The following PPP2R3A variants were observed in gnomAD, a reference collection of about 807,000 sequenced individuals.
PPP2R3A encodes serine/threonine-protein phosphatase 2A regulatory subunit B'' subunit alpha.
In PPP2R3A, 80 loss-of-function variants were observed where a neutral mutation model predicts 106.9. The observed-to-expected ratio is 0.75, with a 90% CI of 0.62 to 0.90. The LOEUF is 0.90. Among genes scored for constraint, PPP2R3A ranks in the 40% least tolerant of loss-of-function variants. The pLI, the probability that PPP2R3A is intolerant of heterozygous loss-of-function variation, is 0.00. For synonymous variants in PPP2R3A, 483 were observed against 468.3 expected (o/e 1.03, Z -0.41); for missense variants, 1,386 against 1,350.4 (o/e 1.03, Z -0.41).
intron 2 of PPP2R3A, among the ~76,000 whole-genome samples, chr3:136,020,184 C>T (rs1304744713): frequency 6.6e-6 from 1 of 152,062 alleles, no homozygotes; most frequent in Non-Finnish European, 1.5e-5. Flanking sequence ...GATCAAGTTA[C>T]AAAATATTAC....
At position 136,102,055 on chromosome 3, in the gene PPP2R3A, C is replaced by A. The variant is rs1422100634; in HGVS notation, c.2976C>A (p.Leu992=). 1.2e-6 allele frequency: 2 copies of A among 1,614,094 alleles called. No homozygotes were observed. Among genetic ancestry groups the A allele is most frequent in the Non-Finnish European group, 1.7e-6 (2 of 1,180,002 alleles). ...TGGATGTGGATGGAGACGGTGTACT[C>A]TCCATGTATGAGCTGGAGTACTTCT... ...RCMDVDGDGV[L]SMYELEYFYE... is the part of the protein sequence containing the mutation. Residue 992 remains leucine, a synonymous_variant, in exon 11 of 14, where the codon CTC becomes CTA. Coordinates refer to ENST00000264977, the MANE Select transcript of PPP2R3A (RefSeq NM_002718.5).
intron 13 of PPP2R3A, among the ~76,000 whole-genome samples, chr3:136,137,342 A>T (rs1013700362): frequency 7.2e-5 from 11 of 152,020 alleles, no homozygotes; most frequent in African/African-American, 2.4e-4. Context: ...TATACTTGGT[A>T]TATTTCTTTT....
chr3:135,985,795 A>T (rs941558002), intron 1 of PPP2R3A, among the ~76,000 whole-genome samples: 1 of 152,216 alleles, frequency 6.6e-6, no homozygotes, highest in Admixed American at 6.5e-5. Context: ...TGGGAAAAAA[A>T]GATCAAGAAA....
chr3:136,049,445 A>G (rs1428837734), intron 5 of PPP2R3A, 84 bp downstream of exon 5: 20 of 955,150 alleles, frequency 2.1e-5, no homozygotes, highest in South Asian at 1.5e-4. Context: ...TAACATGTCA[A>G]TTGAGCTACA....
intron 9 of PPP2R3A, among the ~76,000 whole-genome samples, chr3:136,088,553 A>C (rs1937017072): frequency 6.6e-6 from 1 of 152,222 alleles, no homozygotes; most frequent in Non-Finnish European, 1.5e-5. Flanking sequence ...TGCTGGATAA[A>C]CATACAAGTA....
chr3:136,082,270 AG>A lies in PPP2R3A; in HGVS notation c.2638del (p.Ala880HisfsTer9). On this transcript the variant is annotated frameshift_variant, in exon 8 of 14. Transcript: ENST00000264977. LOFTEE classifies it high-confidence loss of function. ...IRKSNFLQTL[A>X]LLEEEEDINQ... ...TTCTTTTCATATAATTTCAGACCCT[AG>A]CACTTTTGGAAGAAGAGGAAGATAT... 6.3e-7 allele frequency: 1 copy of A among 1,581,542 alleles called. No homozygotes were observed. The highest frequency in any genetic ancestry group is 1.1e-5 in the South Asian group (1 of 90,296).
intron 13 of PPP2R3A, among the ~76,000 whole-genome samples, chr3:136,141,072 T>G (rs1008706476): frequency 5.7e-4 from 87 of 152,340 alleles, no homozygotes; most frequent in African/African-American, 1.9e-3. Flanking sequence ...CACTGTACTA[T>G]AGCCCAAGGA....
intron 1 of PPP2R3A, among the ~76,000 whole-genome samples, chr3:135,979,840 A>G (rs1937514859): frequency 6.6e-6 from 1 of 151,908 alleles, no homozygotes; most frequent in Non-Finnish European, 1.5e-5. Flanking sequence ...AAGAGCTGAA[A>G]GAAAAATAGA....
At chr3:136,091,342 TG>T (rs1188806365) in intron 10 of PPP2R3A, among the ~76,000 whole-genome samples, 1 of 152,188 alleles carries the variant, frequency 6.6e-6, no homozygotes, top group Non-Finnish European at 1.5e-5. Context: ...TGTCCAGGTA[TG>T]GTGGCTCACA....
rs79829901 is a variant in PPP2R3A at position 136,025,874 on chromosome 3, A to G, written c.1996-958A>G. On this transcript the variant is annotated intron_variant, in intron 2 of 13. Transcript: ENST00000264977. Reference sequence around the variant, plus strand: ...TTAATTAAGAGTGGAAATTAGAACTATGAAAATCCTCATGGAATCTTTTTT... The same window carrying G: ...TTAATTAAGAGTGGAAATTAGAACTGTGAAAATCCTCATGGAATCTTTTTT... 3.7e-3 allele frequency among the ~76,000 whole-genome samples: 569 copies of G among 152,274 alleles called. 1 individual carries two copies. Among genetic ancestry groups the G allele is most frequent in the Non-Finnish European group, 5.2e-3 (357 of 68,006 alleles).
At chr3:136,028,581 G>A (rs1437124169) in intron 3 of PPP2R3A, among the ~76,000 whole-genome samples, 1 of 152,194 alleles carries the variant, frequency 6.6e-6, no homozygotes, top group Non-Finnish European at 1.5e-5. Flanking sequence ...TGGACATGTG[G>A]TAACAGTAAC....
At chr3:136,061,360 G>A (rs1028967579) in intron 5 of PPP2R3A, among the ~76,000 whole-genome samples, 1 of 152,204 alleles carries the variant, frequency 6.6e-6, no homozygotes, top group Admixed American at 6.5e-5. Context: ...AGGCACAGTG[G>A]CTCACACCTG....
At chr3:136,112,678 A>C (rs1003745643) in intron 13 of PPP2R3A, among the ~76,000 whole-genome samples, 1 of 152,252 alleles carries the variant, frequency 6.6e-6, no homozygotes, top group Non-Finnish European at 1.5e-5. Flanking sequence ...GATAGCAAGA[A>C]TCAATATTGT....
rs75557093 is a variant in PPP2R3A at position 135,972,462 on chromosome 3, C to A, written c.-441+6613C>A. On this transcript the variant is annotated intron_variant, in intron 1 of 13. Coordinates refer to ENST00000264977, the MANE Select transcript of PPP2R3A (RefSeq NM_002718.5). ...TTTGTTTAAATACCTGTTTTCAATTCTTTTGTGCATGTATCTAGGAATAGA... is the reference window on the plus strand; with the variant it reads ...TTTGTTTAAATACCTGTTTTCAATTATTTTGTGCATGTATCTAGGAATAGA... Among the ~76,000 whole-genome samples the A allele has an allele frequency of 1.5e-3, 222 of 152,236 alleles. 2 individuals carry two copies. The East Asian group carries it at 0.027, about 19-fold the overall frequency.
At chr3:136,121,441 G>C (rs1937993372) in intron 13 of PPP2R3A, among the ~76,000 whole-genome samples, 1 of 152,124 alleles carries the variant, frequency 6.6e-6, no homozygotes, top group African/African-American at 2.4e-5. Context: ...TGAGGGTAGA[G>C]GATAGGAGGA....
chr3:136,087,845 C>G (rs760699760), intron 8 of PPP2R3A, 38 bp from the exon 9 acceptor site: 5 of 1,545,722 alleles, frequency 3.2e-6, no homozygotes, highest in Non-Finnish European at 2.7e-6. Context: ...GAGCATGTTT[C>G]TAACTAGCTT....
In PPP2R3A at chr3:136,003,414, T is replaced by C; in HGVS notation, c.1916T>C (p.Val639Ala). The C allele has an allele frequency of 6.2e-7, 1 of 1,613,950 alleles. No homozygotes were observed. The highest frequency in any genetic ancestry group is 8.5e-7 in the Non-Finnish European group (1 of 1,179,882). The change falls in exon 2 of 14, where the codon GTC becomes GCC. Residue 639 changes from valine to alanine, a missense_variant. Val to Ala is a moderately conservative substitution (Grantham distance 64). Transcript: ENST00000264977. ...LTTSSQANLSVCRSPVGDKAK... is the reference protein window; with the variant it reads ...LTTSSQANLSACRSPVGDKAK... ...ACTTCCTCCCAGGCCAATTTATCAG[T>C]CTGTAGAAGTCCTGTTGGTGATAAA...
chr3:136,122,657 TAC>T (rs72369513), intron 13 of PPP2R3A, among the ~76,000 whole-genome samples: 1 of 152,204 alleles, frequency 6.6e-6, no homozygotes, highest in African/African-American at 2.4e-5. Context: ...TATTTATACA[TAC>T]ACACAGAGAG....
intron 3 of PPP2R3A, among the ~76,000 whole-genome samples, chr3:136,038,240 C>CA (rs1266791834): frequency 6.6e-6 from 1 of 152,076 alleles, no homozygotes; most frequent in East Asian, 1.9e-4. Flanking sequence ...TGCTGTATAA[C>CA]ACTTGGCTAC....
Sources: gnomAD v4.1 joint callset for allele counts (sites outside exome capture counted in the v4.1 genomes callset) on GRCh38, gnomAD v4.1.1 for gene constraint, MANE v1.5 for transcripts, NCBI Gene and HGNC (gene_info 2026-07-23, HGNC 2026-07-21) for gene names.